WNK2: variants seen among roughly 807,000 people sequenced by gnomAD.
WNK2 encodes the protein serine/threonine-protein kinase WNK2.
In WNK2, 67 loss-of-function variants were observed where a neutral mutation model predicts 192.1. That is an observed-to-expected ratio of 0.35 (90% confidence interval 0.29 to 0.43). The LOEUF is 0.43. Ranked by LOEUF, WNK2 falls within the 20% of genes least tolerant of loss-of-function variation. The pLI is 1.00. For synonymous variants in WNK2, 1,439 were observed against 1,393.9 expected (o/e 1.03, Z -0.72); for missense variants, 2,698 against 3,089.7 (o/e 0.87, Z 3.01).
intron 28 of WNK2, among the ~76,000 whole-genome samples, chr9:93,315,229 G>A (rs1564244263): frequency 6.6e-6 from 1 of 152,168 alleles, no homozygotes; most frequent in African/African-American, 2.4e-5. Flanking sequence ...TGATGTGGGC[G>A]CAATGGGTTT....
intron 2 of WNK2, among the ~76,000 whole-genome samples, chr9:93,205,453 T>G (rs182247016): frequency 1.3e-5 from 2 of 152,222 alleles, no homozygotes; most frequent in African/African-American, 4.8e-5. Context: ...GCCCCCTTGT[T>G]CCTGGGGGCC....
intron 2 of WNK2, among the ~76,000 whole-genome samples, chr9:93,223,716 CAG>C (rs1837341194): frequency 2.0e-5 from 3 of 152,210 alleles, no homozygotes; most frequent in Non-Finnish European, 4.4e-5. Flanking sequence ...TGCTGGCCCC[CAG>C]CTTGGGTCGA....
At chr9:93,232,053 G>A (rs767646085) in intron 4 of WNK2, among the ~76,000 whole-genome samples, 3 of 152,362 alleles carry the variant, frequency 2.0e-5, no homozygotes, top group South Asian at 2.1e-4. Context: ...GCACCCAATC[G>A]GATCAGATTG....
chr9:93,268,091 T>G, intron 18 of WNK2, 26 bp downstream of exon 18: 1 of 1,598,446 alleles, frequency 6.3e-7, no homozygotes, highest in Non-Finnish European at 8.5e-7. Flanking sequence ...CCCTCCCTGC[T>G]TTTAAGCAGG....
At chr9:93,268,834 G>T in intron 19 of WNK2, 88 bp downstream of exon 19, 6 of 1,577,852 alleles carry the variant, frequency 3.8e-6, no homozygotes, top group Non-Finnish European at 4.3e-6. Flanking sequence ...TGTGCCCCGT[G>T]CCCAGGTCCA....
chr9:93,227,529 A>AT (rs1265919324), intron 2 of WNK2, among the ~76,000 whole-genome samples: 2 of 151,984 alleles, frequency 1.3e-5, no homozygotes, highest in Non-Finnish European at 2.9e-5. Flanking sequence ...GCTGTTGGCC[A>AT]TTTCTGTGTC....
chr9:93,262,834 T>C, intron 14 of WNK2, 115 bp downstream of exon 14: 1 of 1,207,568 alleles, frequency 8.3e-7, no homozygotes, highest in Non-Finnish European at 1.2e-6. Flanking sequence ...TTTGCCCTGA[T>C]GCCATTAGGG....
chr9:93,226,411 T>G (rs1377673962), intron 2 of WNK2, among the ~76,000 whole-genome samples: 1 of 152,258 alleles, frequency 6.6e-6, no homozygotes, highest in Admixed American at 6.5e-5. Flanking sequence ...TCTTCTATTT[T>G]CTTTCTTCTA....
chr9:93,218,845 A>G (rs867623318), intron 2 of WNK2, among the ~76,000 whole-genome samples: 39 of 152,080 alleles, frequency 2.6e-4, no homozygotes, highest in Non-Finnish European at 4.1e-4. Context: ...CCTCTGCCCC[A>G]GGGACCCCTT....
Position 93,229,954 on chromosome 9 carries a change from G to A in WNK2, c.854+86G>A. 6.6e-7 allele frequency: 1 copy of A among 1,510,448 alleles called. No individual in the cohort carries two copies. Among genetic ancestry groups the A allele is most frequent in the Non-Finnish European group, 8.9e-7 (1 of 1,124,126 alleles). 93.6% of individuals were successfully genotyped at this position (1,510,448 alleles called of 1,614,324 possible). A position where few individuals can be genotyped will look rare whatever the true frequency, so the allele number is the denominator to read the frequency against. ...TGAGGGTGAGGTCTTGGGCTGCTGG[G>A]GTGGTCCTGGCTGGTGCCTGTGGGA... On this transcript the variant is annotated intron_variant, in intron 3 of 29. Coordinates refer to ENST00000427277, the MANE Select transcript of WNK2 (RefSeq NM_006648.4). This position sits in a 1 kb window ranked among gnomAD's most constrained non-coding sequence, Gnocchi z 4.9.
At chr9:93,245,714 GT>G (rs1050247530) in intron 7 of WNK2, among the ~76,000 whole-genome samples, 5 of 152,222 alleles carry the variant, frequency 3.3e-5, no homozygotes, top group African/African-American at 1.2e-4. Flanking sequence ...ATGGTTTTCT[GT>G]TTTACTCAAT....
rs1332902871 is a variant in WNK2 at position 93,239,817 on chromosome 9, G to A, written c.1383G>A (p.Val461=). 3 of 1,582,980 alleles carry A rather than the reference G, an allele frequency of 1.9e-6. No individual in the cohort carries two copies. Among genetic ancestry groups the A allele is most frequent in the African/African-American group, 1.3e-5 (1 of 74,320 alleles). Residue 461 remains valine (V), a synonymous_variant, in exon 7 of 30, where the codon GTG becomes GTA. Coordinates refer to ENST00000427277, the MANE Select transcript of WNK2 (RefSeq NM_006648.4). This position sits in a 1 kb window ranked among gnomAD's most constrained non-coding sequence, Gnocchi z 4.2. ...TCGCAGAGGACACAGGCGTGAGGGTGGAGCTCGCGGAGGAGGACCACGGCA... is the reference window on the plus strand; with the variant it reads ...TCGCAGAGGACACAGGCGTGAGGGTAGAGCTCGCGGAGGAGGACCACGGCA... ...AFFAEDTGVR[V]ELAEEDHGRK...
chr9:93,208,270 C>T (rs1031991110), intron 2 of WNK2, among the ~76,000 whole-genome samples: 1 of 152,184 alleles, frequency 6.6e-6, no homozygotes, highest in Non-Finnish European at 1.5e-5. Context: ...ATGTTATCTG[C>T]CGCCCTCTCA....
At chr9:93,194,929 ATT>A (rs1469613558) in intron 2 of WNK2, among the ~76,000 whole-genome samples, 2 of 152,158 alleles carry the variant, frequency 1.3e-5, no homozygotes, top group Non-Finnish European at 2.9e-5. Flanking sequence ...AGAAATGAAT[ATT>A]TAAGTGAAAT....
At chr9:93,198,343 C>T (rs1005057810) in intron 2 of WNK2, among the ~76,000 whole-genome samples, 10 of 152,248 alleles carry the variant, frequency 6.6e-5, no homozygotes, top group African/African-American at 2.2e-4. Flanking sequence ...GCAGTTTCCC[C>T]AGGCAGGCGG....
At position 93,261,419 on chromosome 9, in the gene WNK2, G is replaced by A. The variant is rs556710396; in HGVS notation, c.3067-395G>A. Among the ~76,000 whole-genome samples, 53 of 152,316 alleles carry A rather than the reference G, an allele frequency of 3.5e-4. 1 individual carries two copies. In the South Asian group the frequency reaches 6.6e-3, roughly 19 times the overall value. ...TCCAGGAGGCGGCAGGTGTCAGTGC[G>A]CGCTCTGAGGCCCTATGCACACTCT... On this transcript the variant is annotated intron_variant, in intron 12 of 29. Coordinates refer to ENST00000427277, the MANE Select transcript of WNK2 (RefSeq NM_006648.4).
rs769514351 is a variant in WNK2, at chr9:93,256,955, C to T, written c.2198C>T (p.Pro733Leu). 23 of 1,565,674 alleles carry T rather than the reference C, an allele frequency of 1.5e-5. No homozygotes were observed. In the East Asian group the frequency reaches 1.9e-4, roughly 13 times the overall value. The change falls in exon 11 of 30, where the codon CCG (proline) becomes CTG (leucine). Residue 733 changes from proline (P) to leucine (L), a missense_variant. By Grantham distance (98) the Pro-to-Leu change is moderately conservative. Coordinates refer to ENST00000427277, the MANE Select transcript of WNK2 (RefSeq NM_006648.4). The stretch of plus-strand genomic sequence containing the variant: ...TACCTTCTCTCCCTCTAGCCTCCTC[C>T]GCTGGCCCAGCCGACACCCCTGCCG... Reference protein sequence around the residue: ...QPAPPGQQPPPLAQPTPLPQV... With the variant: ...QPAPPGQQPPLLAQPTPLPQV...
intron 7 of WNK2, among the ~76,000 whole-genome samples, chr9:93,244,420 T>C (rs867152765): frequency 2.2e-4 from 34 of 152,276 alleles, no homozygotes; most frequent in African/African-American, 6.7e-4. Flanking sequence ...GATAATGCAA[T>C]GCGCCTGTGT....
chr9:93,264,010 C>T lies in WNK2; in HGVS notation c.3673C>T (p.Pro1225Ser). Reference sequence around the variant, plus strand: ...CAAGTTCGACTTGGACGGGGACGCACCCGATGAAATTGCCACGTATATGGT... The same window carrying T: ...CAAGTTCGACTTGGACGGGGACGCATCCGATGAAATTGCCACGTATATGGT... ...TFKFDLDGDA[P>S]DEIATYMVEH... The change falls in exon 16 of 30, where the codon CCC (proline) becomes TCC (serine). Residue 1225 changes from proline (P) to serine (S), a missense_variant. Coordinates refer to ENST00000427277, the MANE Select transcript of WNK2 (RefSeq NM_006648.4). The T allele has an allele frequency of 6.2e-7, 1 of 1,613,222 alleles. No homozygotes were observed. Among genetic ancestry groups the T allele is most frequent in the Non-Finnish European group, 8.5e-7 (1 of 1,179,666 alleles).
Sources: allele counts gnomAD v4.1 joint callset (sites outside exome capture counted in the v4.1 genomes callset), GRCh38; gene constraint gnomAD v4.1.1; non-coding constraint Gnocchi (gnomAD v3.1); transcripts MANE v1.5; gene names NCBI Gene and HGNC (gene_info 2026-07-23, HGNC 2026-07-21).